The following CNTNAP2 variants were observed in gnomAD, a reference collection of about 807,000 sequenced individuals.
CNTNAP2 encodes contactin-associated protein-like 2.
Under a neutral mutation model 155.2 loss-of-function variants are expected in CNTNAP2, and 98 were observed. The ratio of observed to expected loss-of-function variants is 0.63; its 90% CI spans 0.54 to 0.75. The LOEUF (loss-of-function observed/expected upper bound fraction) is 0.75, where lower values mean the gene tolerates loss of function less well. CNTNAP2 is among the 30% of genes least tolerant of loss of function. The pLI is 0.00. For missense variants in CNTNAP2, 1,727 were observed against 1,688.1 expected (o/e 1.02, Z -0.40); for synonymous variants, 651 against 631.2 (o/e 1.03, Z -0.47).
intron 8 of CNTNAP2, among the ~76,000 whole-genome samples, chr7:147,142,010 C>T (rs534810596): frequency 6.6e-6 from 1 of 152,282 alleles, no homozygotes; most frequent in Non-Finnish European, 1.5e-5. Context: ...ACAATCATGT[C>T]ATCTGCGAAC....
intron 1 of CNTNAP2, among the ~76,000 whole-genome samples, chr7:146,210,211 A>C (rs984666073): frequency 6.6e-6 from 1 of 152,150 alleles, no homozygotes; most frequent in African/African-American, 2.4e-5. Context: ...CTCATTCTGC[A>C]GCCTTTGTTT....
intron 8 of CNTNAP2, among the ~76,000 whole-genome samples, chr7:147,177,772 A>G (rs1443119555): frequency 1.3e-5 from 2 of 152,038 alleles, no homozygotes; most frequent in Non-Finnish European, 2.9e-5. Context: ...GTTGAGGGAG[A>G]TCCAGTTTCA....
At chr7:146,415,649 T>C (rs1211302403) in intron 1 of CNTNAP2, among the ~76,000 whole-genome samples, 1 of 152,110 alleles carries the variant, frequency 6.6e-6, no homozygotes, top group Non-Finnish European at 1.5e-5. Context: ...CACTCCACTT[T>C]TGAATCATAG....
chr7:146,893,519 A>G (rs562267144), intron 3 of CNTNAP2, among the ~76,000 whole-genome samples: 3 of 151,718 alleles, frequency 2.0e-5, no homozygotes, highest in Admixed American at 6.6e-5. Context: ...TTTTTCCCTC[A>G]GGAGGGAAAT....
intron 13 of CNTNAP2, among the ~76,000 whole-genome samples, chr7:147,885,192 C>A (rs1189646194): frequency 1.3e-5 from 2 of 152,162 alleles, no homozygotes; most frequent in Non-Finnish European, 2.9e-5. Context: ...TATTTTCTTT[C>A]TTAATGTGTT....
At chr7:147,325,649 G>C (rs927179803) in intron 9 of CNTNAP2, among the ~76,000 whole-genome samples, 5 of 152,042 alleles carry the variant, frequency 3.3e-5, no homozygotes, top group African/African-American at 9.7e-5. Context: ...ATAATAGTGG[G>C]AAAAAATATG....
At chr7:146,703,860 T>C (rs1800918516) in intron 1 of CNTNAP2, among the ~76,000 whole-genome samples, 1 of 152,144 alleles carries the variant, frequency 6.6e-6, no homozygotes, top group African/African-American at 2.4e-5. Flanking sequence ...ACTTCATTCC[T>C]GAAATTTGTT....
chr7:146,975,773 C>A (rs1404325916), intron 3 of CNTNAP2, among the ~76,000 whole-genome samples: 1 of 152,142 alleles, frequency 6.6e-6, no homozygotes, highest in Non-Finnish European at 1.5e-5. Context: ...CATACACCTT[C>A]CTAGGTAGAC....
chr7:147,208,546 A>G (rs1803069068), intron 8 of CNTNAP2, among the ~76,000 whole-genome samples: 1 of 152,028 alleles, frequency 6.6e-6, no homozygotes, highest in African/African-American at 2.4e-5. Flanking sequence ...GTCCCCTATG[A>G]CTATCTGAAA....
At chr7:147,319,262 G>GTA (rs1471766158) in intron 9 of CNTNAP2, among the ~76,000 whole-genome samples, 1 of 152,074 alleles carries the variant, frequency 6.6e-6, no homozygotes, top group African/African-American at 2.4e-5. Context: ...AAAACATTAA[G>GTA]TATATATACA....
chr7:146,712,861 A>G (rs1801122533), intron 1 of CNTNAP2, among the ~76,000 whole-genome samples: 1 of 151,756 alleles, frequency 6.6e-6, no homozygotes, highest in Admixed American at 6.6e-5. Context: ...TACATTTTAG[A>G]TGGTCTGCTT....
At chr7:146,648,489 AT>A (rs1218295071) in intron 1 of CNTNAP2, among the ~76,000 whole-genome samples, 1 of 152,132 alleles carries the variant, frequency 6.6e-6, no homozygotes, top group Non-Finnish European at 1.5e-5. Flanking sequence ...AAAATTTTTT[AT>A]TATGCAATAC....
chr7:146,799,246 C>A (rs1051865464), intron 2 of CNTNAP2, among the ~76,000 whole-genome samples: 1 of 152,132 alleles, frequency 6.6e-6, no homozygotes, highest in African/African-American at 2.4e-5. Flanking sequence ...CTTCCCTTGA[C>A]TAAAAATGAG....
At chr7:148,144,653 T>C (rs1218469738) in intron 16 of CNTNAP2, among the ~76,000 whole-genome samples, 2 of 152,208 alleles carry the variant, frequency 1.3e-5, no homozygotes, top group Non-Finnish European at 2.9e-5. Flanking sequence ...CAACCATTCA[T>C]GTTTGGCACA....
At chr7:147,710,159 T>C (rs1002626292) in intron 13 of CNTNAP2, among the ~76,000 whole-genome samples, 1 of 152,210 alleles carries the variant, frequency 6.6e-6, no homozygotes, top group African/African-American at 2.4e-5. Context: ...AGGTATTGTT[T>C]CTGCATGTTG....
At chr7:148,139,105 TC>T (rs1371617733) in intron 16 of CNTNAP2, among the ~76,000 whole-genome samples, 1 of 152,208 alleles carries the variant, frequency 6.6e-6, no homozygotes, top group Non-Finnish European at 1.5e-5. Context: ...GAGAAATACT[TC>T]TTATACTCAA....
chr7:146,373,396 C>T (rs1270190250), intron 1 of CNTNAP2, among the ~76,000 whole-genome samples: 1 of 136,954 alleles, frequency 7.3e-6, no homozygotes, highest in African/African-American at 3.5e-5. Flanking sequence ...ATAAAAGGAA[C>T]TTAACACATA....
chr7:146,609,249 GTCT>G (rs1245983254), intron 1 of CNTNAP2, among the ~76,000 whole-genome samples: 1 of 152,152 alleles, frequency 6.6e-6, no homozygotes, highest in Non-Finnish European at 1.5e-5. Flanking sequence ...GTATTGTTTT[GTCT>G]TCTTCTGTAG....
intron 21 of CNTNAP2, among the ~76,000 whole-genome samples, chr7:148,270,679 C>T (rs960138571): frequency 2.6e-5 from 4 of 152,210 alleles, no homozygotes; most frequent in Non-Finnish European, 5.9e-5. Flanking sequence ...CTAACAGAAT[C>T]AGTAAGATTC....
Sources: gnomAD v4.1 joint callset for allele counts (sites outside exome capture counted in the v4.1 genomes callset) on GRCh38, gnomAD v4.1.1 for gene constraint, MANE v1.5 for transcripts, NCBI Gene and HGNC (gene_info 2026-07-23, HGNC 2026-07-21) for gene names.